Variants in NRXN3 observed in about 807,000 individuals in gnomAD.
NRXN3 encodes neurexin III.
NRXN3 carries 32 observed loss-of-function variants against 137.6 expected under a neutral mutation model. The observed-to-expected ratio is 0.23, with a 90% CI of 0.18 to 0.31. The LOEUF is 0.31. Among genes scored for constraint, NRXN3 ranks in the 10% least tolerant of loss-of-function variants. The pLI is 1.00. For synonymous variants in NRXN3, 798 were observed against 784.5 expected, an observed-to-expected ratio of 1.02 and a Z score of -0.29; for missense variants, 1,574 against 2,062.5, an observed-to-expected ratio of 0.76 and a Z score of 4.59.
intron 16 of NRXN3, among the ~76,000 whole-genome samples, chr14:79,651,350 GA>G (rs2098474883): frequency 6.6e-6 from 1 of 152,158 alleles, no homozygotes; most frequent in South Asian, 2.1e-4. Flanking sequence ...AGCAAAAATT[GA>G]AAAGCAGTAA....
intron 19 of NRXN3, among the ~76,000 whole-genome samples, chr14:79,706,318 T>C (rs915328268): frequency 6.6e-6 from 1 of 152,196 alleles, no homozygotes; most frequent in African/African-American, 2.4e-5. Context: ...TCTTCTTCCT[T>C]TCCAAATAAC....
At position 78,310,990 on chromosome 14, in the gene NRXN3, A is replaced by G. The variant is rs72689161; in HGVS notation, c.757+13130A>G. 5.4e-3 allele frequency among the ~76,000 whole-genome samples: 828 copies of G among 152,302 alleles called. 7 individuals carry two copies. Among genetic ancestry groups the G allele is most frequent in the South Asian group, 0.02 (96 of 4,828 alleles). On this transcript the variant is annotated intron_variant, in intron 4 of 20. Coordinates refer to ENST00000335750, the MANE Select transcript of NRXN3 (RefSeq NM_001330195.2). ...CAGTTATCATAAATACATTTTGTCA[A>G]TATCAGCATCACTCATTAAATATGG...
At chr14:78,215,533 G>A (rs939848289) in intron 1 of NRXN3, among the ~76,000 whole-genome samples, 1 of 152,144 alleles carries the variant, frequency 6.6e-6, no homozygotes, top group Non-Finnish European at 1.5e-5. Flanking sequence ...TTAGATCCCA[G>A]AAAGAACTTT....
chr14:78,193,990 T>TC (rs2060988453), intron 1 of NRXN3, among the ~76,000 whole-genome samples: 1 of 151,960 alleles, frequency 6.6e-6, no homozygotes, highest in Non-Finnish European at 1.5e-5. Context: ...AGGCTAACTC[T>TC]CCCCCTCTGC....
At chr14:79,526,253 G>A (rs917161195) in intron 16 of NRXN3, among the ~76,000 whole-genome samples, 2 of 152,220 alleles carry the variant, frequency 1.3e-5, no homozygotes, top group East Asian at 1.9e-4. Flanking sequence ...CTTCATGTTG[G>A]TCAGGCTGGT....
intron 16 of NRXN3, among the ~76,000 whole-genome samples, chr14:79,503,977 C>A (rs1299903607): frequency 6.6e-6 from 1 of 152,198 alleles, no homozygotes; most frequent in Non-Finnish European, 1.5e-5. Context: ...TATCAAGGTA[C>A]AATTTCCATA....
chr14:79,471,971 T>A (rs1476755158), intron 16 of NRXN3, among the ~76,000 whole-genome samples: 5 of 152,142 alleles, frequency 3.3e-5, no homozygotes, highest in Admixed American at 1.3e-4. Context: ...TTAGTTATTT[T>A]TCTTGATCCT....
chr14:79,416,371 T>C (rs781291255), intron 15 of NRXN3, among the ~76,000 whole-genome samples: 2 of 152,140 alleles, frequency 1.3e-5, no homozygotes, highest in Admixed American at 6.6e-5. Context: ...ATCCTCACAA[T>C]TGATTTAAAA....
intron 15 of NRXN3, among the ~76,000 whole-genome samples, chr14:79,038,141 A>G (rs1160925192): frequency 6.6e-6 from 1 of 152,078 alleles, no homozygotes; most frequent in Non-Finnish European, 1.5e-5. Flanking sequence ...TTCACATAAT[A>G]TATTGAATGT....
At chr14:79,814,798 G>A (rs2099246688) in intron 20 of NRXN3, among the ~76,000 whole-genome samples, 1 of 152,058 alleles carries the variant, frequency 6.6e-6, no homozygotes, top group Non-Finnish European at 1.5e-5. Flanking sequence ...CCTGAATTGG[G>A]GAGGAACTTT....
At chr14:78,362,757 T>G (rs2085322062) in intron 4 of NRXN3, among the ~76,000 whole-genome samples, 1 of 152,208 alleles carries the variant, frequency 6.6e-6, no homozygotes, top group African/African-American at 2.4e-5. Flanking sequence ...ACAGTACACA[T>G]GACTTTGGAC....
At chr14:79,253,732 T>C (rs1241674726) in intron 15 of NRXN3, among the ~76,000 whole-genome samples, 1 of 152,160 alleles carries the variant, frequency 6.6e-6, no homozygotes, top group African/African-American at 2.4e-5. Flanking sequence ...TTTAAAGCCA[T>C]CAGCTCTTGT....
intron 4 of NRXN3, among the ~76,000 whole-genome samples, chr14:78,513,666 AG>A (rs1234999131): frequency 3.3e-5 from 5 of 152,172 alleles, no homozygotes; most frequent in Admixed American, 1.3e-4. Context: ...AAAAAATTCA[AG>A]TATTTTGGAA....
intron 15 of NRXN3, among the ~76,000 whole-genome samples, chr14:79,260,509 C>A (rs138597805): frequency 1.7e-3 from 260 of 152,260 alleles, no homozygotes; most frequent in African/African-American, 6.0e-3. Context: ...ATCCGCACAG[C>A]CACCCACAAC....
intron 10 of NRXN3, among the ~76,000 whole-genome samples, chr14:78,922,323 G>A (rs2152826744): frequency 6.6e-6 from 1 of 152,294 alleles, no homozygotes; most frequent in Middle Eastern, 3.4e-3. Flanking sequence ...GAACTTCCCA[G>A]AATATAATTA....
intron 19 of NRXN3, among the ~76,000 whole-genome samples, chr14:79,794,127 G>A (rs2099153783): frequency 6.6e-6 from 1 of 152,160 alleles, no homozygotes; most frequent in African/African-American, 2.4e-5. Context: ...CACTTTGGGA[G>A]GATGAGGCAG....
At chr14:79,506,152 A>G (rs1272884772) in intron 16 of NRXN3, among the ~76,000 whole-genome samples, 1 of 152,214 alleles carries the variant, frequency 6.6e-6, no homozygotes, top group Non-Finnish European at 1.5e-5. Flanking sequence ...TGACATCCCA[A>G]CACCTTTGTA....
chr14:78,620,900 C>T (rs1276634509), intron 4 of NRXN3, among the ~76,000 whole-genome samples: 3 of 152,138 alleles, frequency 2.0e-5, no homozygotes, highest in Non-Finnish European at 4.4e-5. Flanking sequence ...GAGCTTTCCT[C>T]AACTACCCAG....
chr14:78,544,406 A>T (rs1288166844), intron 4 of NRXN3, among the ~76,000 whole-genome samples: 1 of 152,200 alleles, frequency 6.6e-6, no homozygotes, highest in Non-Finnish European at 1.5e-5. Flanking sequence ...GAAAAGTAGC[A>T]CCATGGACAT....
Sources: allele counts gnomAD v4.1 joint callset (sites outside exome capture counted in the v4.1 genomes callset), GRCh38; gene constraint gnomAD v4.1.1; transcripts MANE v1.5; gene names NCBI Gene and HGNC (gene_info 2026-07-23, HGNC 2026-07-21).